Variants in DNAH8 observed in about 807,000 individuals in gnomAD.
The protein encoded by DNAH8 is axonemal beta dynein heavy chain 8.
Under a neutral mutation model 562.1 loss-of-function variants are expected in DNAH8, and 382 were observed. The observed-to-expected ratio is 0.68, with a 90% CI of 0.63 to 0.74. The LOEUF (loss-of-function observed/expected upper bound fraction) is 0.74, where lower values mean the gene tolerates loss of function less well. Among genes scored for constraint, DNAH8 ranks in the 30% least tolerant of loss-of-function variants. DNAH8 has a pLI of 0.00. For synonymous variants in DNAH8, 1,881 were observed against 1,919.4 expected, an observed-to-expected ratio of 0.98 and a Z score of 0.52; for missense variants, 5,203 against 5,620.4, an observed-to-expected ratio of 0.93 and a Z score of 2.37.
At position 38,890,770 on chromosome 6, in the gene DNAH8, T is replaced by C. The variant is rs1464484221; in HGVS notation, c.8583+9T>C. Reference sequence around the variant, plus strand: ...TGTGGCAATGGACTAAGGTACAGAATGGTTTGTCAATAATTTTTAAAAAGG... The same window carrying C: ...TGTGGCAATGGACTAAGGTACAGAACGGTTTGTCAATAATTTTTAAAAAGG... On this transcript the variant is annotated intron_variant, in intron 58 of 92. Coordinates refer to ENST00000327475, the MANE Select transcript of DNAH8 (RefSeq NM_001206927.2). The C allele has an allele frequency of 6.3e-7, 1 of 1,589,044 alleles. No individual in the cohort carries two copies. The highest frequency in any genetic ancestry group is 8.6e-7 in the Non-Finnish European group (1 of 1,157,294).
chr6:38,719,370 C>A (rs138548695), intron 1 of DNAH8, among the ~76,000 whole-genome samples: 1 of 152,254 alleles, frequency 6.6e-6, no homozygotes, highest in Non-Finnish European at 1.5e-5. Flanking sequence ...AGTTTTCCAA[C>A]CCTAACCCCC....
intron 77 of DNAH8, among the ~76,000 whole-genome samples, chr6:38,936,716 G>A (rs1783001227): frequency 6.6e-6 from 1 of 152,150 alleles, no homozygotes; most frequent in African/African-American, 2.4e-5. Context: ...AGCAAGCAGA[G>A]CTGAGGGCTG....
At chr6:38,855,398 TAAG>T (rs1214464963) in intron 41 of DNAH8, among the ~76,000 whole-genome samples, 1 of 152,218 alleles carries the variant, frequency 6.6e-6, no homozygotes, top group Non-Finnish European at 1.5e-5. Flanking sequence ...AAAGTGGAAA[TAAG>T]AATTTCCCAT....
intron 5 of DNAH8, among the ~76,000 whole-genome samples, chr6:38,735,818 G>C (rs749882666): frequency 6.6e-6 from 1 of 152,072 alleles, no homozygotes; most frequent in Non-Finnish European, 1.5e-5. Context: ...TAAATAATAT[G>C]CTCAGACTGC....
At chr6:39,007,214 A>G (rs1305212495) in intron 88 of DNAH8, among the ~76,000 whole-genome samples, 1 of 152,228 alleles carries the variant, frequency 6.6e-6, no homozygotes, top group East Asian at 1.9e-4. Flanking sequence ...TGTAAATGTC[A>G]AATGTCTCTT....
At chr6:39,005,495 A>G (rs181662390) in intron 88 of DNAH8, among the ~76,000 whole-genome samples, 2 of 152,286 alleles carry the variant, frequency 1.3e-5, no homozygotes, top group East Asian at 1.9e-4. Context: ...ATCCTTGCCA[A>G]TATTTGTTAT....
chr6:38,789,864 T>G lies in DNAH8; in HGVS notation c.2645T>G (p.Met882Arg), dbSNP rs1235609260. The G allele has an allele frequency of 6.2e-7, 1 of 1,612,844 alleles. No individual in the cohort carries two copies. The highest frequency in any genetic ancestry group is 8.5e-7 in the Non-Finnish European group (1 of 1,179,100). Residue 882 changes from methionine to arginine, a missense_variant, in exon 19 of 93, where the codon ATG (methionine) becomes AGG (arginine). By Grantham distance (91) the Met-to-Arg change is moderately conservative. Coordinates refer to ENST00000327475, the MANE Select transcript of DNAH8 (RefSeq NM_001206927.2). ...GTGCCTTCTGTGTTTGTCAATCTGA[T>G]GACCCCAAAAATGAAAAAGGTTGGT... ...QEVPSVFVNLMTPKMKKVESV... is the reference protein window; with the variant it reads ...QEVPSVFVNLRTPKMKKVESV...
chr6:38,845,603 G>C lies in DNAH8; in HGVS notation c.4875G>C (p.Lys1625Asn), dbSNP rs1775230982. ...EDICISAIKE[K>N]DIEAKLTQVI... ...TTTGCATATCTGCCATTAAGGAGAA[G>C]GATATCGAAGCCAAGCTGACTCAGG... Residue 1625 changes from lysine (K) to asparagine (N), a missense_variant, in exon 36 of 93, where the codon AAG (lysine) becomes AAC (asparagine). Transcript: ENST00000327475. 1 of 1,613,868 alleles carries C rather than the reference G, an allele frequency of 6.2e-7. No homozygotes were observed. The highest frequency in any genetic ancestry group is 8.5e-7 in the Non-Finnish European group (1 of 1,179,826).
chr6:38,966,791 G>T (rs1762997475), intron 82 of DNAH8, among the ~76,000 whole-genome samples: 1 of 152,174 alleles, frequency 6.6e-6, no homozygotes, highest in Non-Finnish European at 1.5e-5. Flanking sequence ...AACTACCATA[G>T]ACTGGGTAGC....
intron 4 of DNAH8, 98 bp from the exon 5 acceptor site, chr6:38,734,376 T>A: frequency 7.5e-7 from 1 of 1,328,354 alleles, no homozygotes; most frequent in Non-Finnish European, 9.7e-7. Flanking sequence ...CTTCTTACAA[T>A]AAAGTAAAAC....
intron 4 of DNAH8, among the ~76,000 whole-genome samples, chr6:38,731,834 C>G (rs1398063382): frequency 6.6e-6 from 1 of 152,166 alleles, no homozygotes; most frequent in East Asian, 1.9e-4. Flanking sequence ...CCTGCTTCAG[C>G]CTCCTGAGTA....
At chr6:38,731,310 A>G (rs79171795) in intron 4 of DNAH8, among the ~76,000 whole-genome samples, 3,064 of 152,354 alleles carry the variant, frequency 0.02, 63 homozygotes, top group Middle Eastern at 0.034. Flanking sequence ...ATATTTCTCT[A>G]TAACTGGTTT....
At chr6:39,012,700 G>A (rs1766301288) in intron 91 of DNAH8, 63 bp downstream of exon 91, 1 of 1,283,100 alleles carries the variant, frequency 7.8e-7, no homozygotes, top group African/African-American at 1.5e-5. Context: ...GTAGCATCGT[G>A]TGATAAATAT....
chr6:38,801,181 G>A (rs146821999), intron 21 of DNAH8, among the ~76,000 whole-genome samples: 34 of 152,016 alleles, frequency 2.2e-4, no homozygotes, highest in African/African-American at 8.2e-4. Flanking sequence ...TTTAGTTTTA[G>A]TTCTGAAATT....
chr6:38,725,282 G>A (rs957185405), intron 3 of DNAH8, among the ~76,000 whole-genome samples: 5 of 130,850 alleles, frequency 3.8e-5, no homozygotes, highest in African/African-American at 1.1e-4. Flanking sequence ...CATCCTGGGC[G>A]ATAGAGTGAG....
At position 38,853,281 on chromosome 6, in the gene DNAH8, C is replaced by A. The variant is rs143295890; in HGVS notation, c.5667C>A (p.Ser1889=). 39 of 1,612,862 alleles carry A rather than the reference C, an allele frequency of 2.4e-5. No homozygotes were observed. Among genetic ancestry groups the A allele is most frequent in the East Asian group, 6.7e-5 (3 of 44,790 alleles). The change falls in exon 41 of 93, where the codon TCC becomes TCA. Residue 1889 remains serine, a synonymous_variant. Coordinates refer to ENST00000327475, the MANE Select transcript of DNAH8 (RefSeq NM_001206927.2). ...CATCATTACATAATATAATTAGATC[C>A]GCTTTCTATCAAATCAGTGATTCAG... The part of the protein sequence containing the change: ...QMSSLHNIIR[S]AFYQISDSGF...
intron 82 of DNAH8, among the ~76,000 whole-genome samples, chr6:38,963,253 CTTTTTTTTTTTT>C (rs57083753): frequency 3.6e-4 from 37 of 102,624 alleles, no homozygotes; most frequent in South Asian, 2.9e-3. Context: ...AGTCCTTTTT[CTTTTTTTTTTTT>C]TTTTTTTTTT....
At chr6:38,727,331 T>A (rs962320948) in intron 3 of DNAH8, among the ~76,000 whole-genome samples, 1 of 152,212 alleles carries the variant, frequency 6.6e-6, no homozygotes, top group African/African-American at 2.4e-5. Context: ...CTGAACTCTA[T>A]GGAATCTATC....
At chr6:38,931,733 A>T in intron 75 of DNAH8, 78 bp from the exon 76 acceptor site, 1 of 937,504 alleles carries the variant, frequency 1.1e-6, no homozygotes, top group Non-Finnish European at 1.6e-6. Flanking sequence ...CTGACAGGTA[A>T]ATTCTTTTCT....
Sources: allele counts gnomAD v4.1 joint callset (sites outside exome capture counted in the v4.1 genomes callset), GRCh38; gene constraint gnomAD v4.1.1; transcripts MANE v1.5; gene names NCBI Gene and HGNC (gene_info 2026-07-23, HGNC 2026-07-21).